ERMN: variants seen among roughly 807,000 people sequenced by gnomAD.
ERMN encodes ermin.
A neutral mutation model predicts 21.4 loss-of-function variants in ERMN; 17 were observed. The observed-to-expected ratio is 0.80, with a 90% CI of 0.54 to 1.19. The LOEUF (loss-of-function observed/expected upper bound fraction) is 1.19, where lower values mean the gene tolerates loss of function less well. ERMN is among the 50% of genes most tolerant of loss of function. The pLI, the probability that ERMN is intolerant of heterozygous loss-of-function variation, is 0.00. For synonymous variants in ERMN, 115 were observed against 111.9 expected (o/e 1.03, Z -0.17); for missense variants, 348 against 331.6 (o/e 1.05, Z -0.38).
At position 157,324,728 on chromosome 2, in the gene ERMN, C is replaced by T. The variant is rs1035746521; in HGVS notation, c.276G>A (p.Lys92=). The part of the protein sequence containing the change: ...NPEEKLFIVH[K]AITDLSLQET... ...CTTGGAGAGAAAGATCTGTGATAGC[C>T]TTATGAACAATAAAGAGTTTCTCTT... The change falls in exon 2 of 3, where the codon AAG becomes AAA. Residue 92 remains lysine, a synonymous_variant. Coordinates refer to ENST00000410096, the MANE Select transcript of ERMN (RefSeq NM_020711.3). 6.2e-7 allele frequency: 1 copy of T among 1,612,938 alleles called. No homozygotes were observed. The highest frequency in any genetic ancestry group is 1.3e-5 in the African/African-American group (1 of 74,934).
rs1683820749 is a variant in ERMN, at chr2:157,319,541, G to A, written c.*1730C>T. On this transcript the variant is annotated 3_prime_UTR_variant, in exon 3 of 3. Transcript: ENST00000410096. ...AATTGTAGGGGTTATCAGTAACCTA[G>A]AAAAGAAAACAGCTTGTCCATGTAG... 1 of 152,082 alleles carries A rather than the reference G, an allele frequency of 6.6e-6. No individual in the cohort carries two copies. Among genetic ancestry groups the A allele is most frequent in the Non-Finnish European group, 1.5e-5 (1 of 67,996 alleles). The allele number at this position is 152,082 out of a possible 1,614,324, so 9.4% of individuals were successfully genotyped here.
chr2:157,319,915 T>A lies in ERMN; in HGVS notation c.*1356A>T, dbSNP rs1343770858. 6.6e-6 allele frequency: 1 copy of A among 152,172 alleles called. No homozygotes were observed. The highest frequency in any genetic ancestry group is 2.4e-5 in the African/African-American group (1 of 41,452). 9.4% of individuals were successfully genotyped at this position (152,172 alleles called of 1,614,324 possible). A position where few individuals can be genotyped will look rare whatever the true frequency, so the allele number is the denominator to read the frequency against. ...TAAATAAGCAGTCATCTAAGAGGACTAACATGGAGTTTTTCACAAAATGAA... is the reference window on the plus strand; with the variant it reads ...TAAATAAGCAGTCATCTAAGAGGACAAACATGGAGTTTTTCACAAAATGAA... On this transcript the variant is annotated 3_prime_UTR_variant, in exon 3 of 3. Transcript: ENST00000410096.
intron 2 of ERMN, among the ~76,000 whole-genome samples, chr2:157,323,668 C>T (rs1317606726): frequency 1.3e-5 from 2 of 152,074 alleles, no homozygotes; most frequent in Non-Finnish European, 2.9e-5. Flanking sequence ...TGTATGGCTG[C>T]AAGAGAGGAA....
chr2:157,323,759 G>T (rs938545051), intron 2 of ERMN, among the ~76,000 whole-genome samples: 2 of 152,052 alleles, frequency 1.3e-5, no homozygotes, highest in East Asian at 3.9e-4. Flanking sequence ...AAATCTAAAG[G>T]ATTTTGTGTC....
At chr2:157,322,233 TAC>T (rs60818980) in intron 2 of ERMN, among the ~76,000 whole-genome samples, 13,457 of 145,490 alleles carry the variant, frequency 0.092, 1,552 homozygotes, top group African/African-American at 0.29. Flanking sequence ...TTCTCACACA[TAC>T]ACACACACAC....
rs377472513 is a variant in ERMN, at chr2:157,325,573, G to C, written c.70C>G (p.Gln24Glu). 9 of 1,614,126 alleles carry C rather than the reference G, an allele frequency of 5.6e-6. No individual in the cohort carries two copies. In the Admixed American group the frequency reaches 8.3e-5, roughly 15 times the overall value. Reference protein sequence around the residue: ...NGDKPPENGQQTITKISEELT... With the variant: ...NGDKPPENGQETITKISEELT... ...TCCTCACTGATTTTAGTGATTGTTT[G>C]TTGACCGTTTTCAGGTGGTTTATCC... The change falls in exon 1 of 3, where the codon CAA (glutamine) becomes GAA (glutamate). Residue 24 changes from glutamine to glutamate, a missense_variant. Transcript: ENST00000410096.
chr2:157,324,767 G>A lies in ERMN; in HGVS notation c.242-5C>T. ...AGAGTTTCTCTTCTGGGTTTTCTAG[G>A]AAAAAAATATAAAATCAGTATTTTA... On this transcript the variant is annotated splice_region_variant and splice_polypyrimidine_tract_variant and intron_variant, in intron 1 of 2. Coordinates refer to ENST00000410096, the MANE Select transcript of ERMN (RefSeq NM_020711.3). 6 of 1,583,706 alleles carry A rather than the reference G, an allele frequency of 3.8e-6. No individual in the cohort carries two copies. The highest frequency in any genetic ancestry group is 5.2e-6 in the Non-Finnish European group (6 of 1,162,162).
chr2:157,325,287 A>G, intron 1 of ERMN, 115 bp downstream of exon 1: 2 of 1,372,652 alleles, frequency 1.5e-6, no homozygotes, highest in Non-Finnish European at 2.1e-6. Context: ...GCGTAGTAGA[A>G]TAAAGGGCTA....
Position 157,324,940 on chromosome 2 carries a change from C to T in ERMN, c.242-178G>A, listed in dbSNP as rs144794159. 4.3e-3 allele frequency among the ~76,000 whole-genome samples: 651 copies of T among 151,724 alleles called. 5 individuals carry two copies. The highest frequency in any genetic ancestry group is 0.015 in the African/African-American group (629 of 41,408). On this transcript the variant is annotated intron_variant, in intron 1 of 2. Coordinates refer to ENST00000410096, the MANE Select transcript of ERMN (RefSeq NM_020711.3). ...CAATTCAATTTATTTACTTAATGAT[C>T]ACTTTATTGATTGTAATCTCTCCTT...
chr2:157,324,065 C>G, intron 2 of ERMN: 1 of 164,696 alleles, frequency 6.1e-6, no homozygotes, highest in Non-Finnish European at 1.3e-5. Context: ...GCCTGGCCAA[C>G]ATGGTGAAAC....
rs185568007 is a variant in ERMN at position 157,319,240 on chromosome 2, A to G, written c.*2031T>C. 8.6e-4 allele frequency: 131 copies of G among 152,230 alleles called. No individual in the cohort carries two copies. The highest frequency in any genetic ancestry group is 3.0e-3 in the African/African-American group (125 of 41,560). 9.4% of individuals were successfully genotyped at this position (152,230 alleles called of 1,614,324 possible). A position where few individuals can be genotyped will look rare whatever the true frequency, so the allele number is the denominator to read the frequency against. ...CATGAAGCATTTACCAACTAAACAT[A>G]CCCTAAAATAGTTTCTGTTGACTAA... On this transcript the variant is annotated 3_prime_UTR_variant, in exon 3 of 3. Transcript: ENST00000410096.
At chr2:157,322,712 A>G (rs1683944250) in intron 2 of ERMN, among the ~76,000 whole-genome samples, 1 of 152,208 alleles carries the variant, frequency 6.6e-6, no homozygotes, top group South Asian at 2.1e-4. Context: ...TTCTCACTCT[A>G]GGGAATACAT....
intron 2 of ERMN, among the ~76,000 whole-genome samples, chr2:157,322,131 T>G (rs1683925664): frequency 6.6e-6 from 1 of 151,556 alleles, no homozygotes; most frequent in Non-Finnish European, 1.5e-5. Flanking sequence ...AGACTGGTGT[T>G]CCCTGAGACA....
At chr2:157,326,100 A>G (rs781090811), upstream of ERMN, among the ~76,000 whole-genome samples, 18 of 152,250 alleles carry the variant, frequency 1.2e-4, no homozygotes, top group Non-Finnish European at 2.4e-4. Flanking sequence ...ATTGTCCCAC[A>G]GCTTTAATCC....
rs1683812086 is a variant in ERMN at position 157,319,342 on chromosome 2, T to G, written c.*1929A>C. 6.6e-6 allele frequency: 1 copy of G among 152,254 alleles called. No individual in the cohort carries two copies. Among genetic ancestry groups the G allele is most frequent in the African/African-American group, 2.4e-5 (1 of 41,550 alleles). 9.4% of individuals were successfully genotyped at this position (152,254 alleles called of 1,614,324 possible). Reference sequence around the variant, plus strand: ...AGCGTTAGCATATATTAGAGTCCCTTAAGAGGTACTTGCTTTGCCGTGCCA... The same window carrying G: ...AGCGTTAGCATATATTAGAGTCCCTGAAGAGGTACTTGCTTTGCCGTGCCA... On this transcript the variant is annotated 3_prime_UTR_variant, in exon 3 of 3. Transcript: ENST00000410096.
At position 157,325,359 on chromosome 2, in the gene ERMN, A is replaced by T. The variant is rs189100146; in HGVS notation, c.241+43T>A. ...TATCAAAAAAATCCAGGGTAAATTT[A>T]TAAGTCAAAACAAGAAAATTAAGGA... is the stretch of plus-strand genomic sequence containing the variant. On this transcript the variant is annotated intron_variant, in intron 1 of 2. Coordinates refer to ENST00000410096, the MANE Select transcript of ERMN (RefSeq NM_020711.3). 1.6e-5 allele frequency: 26 copies of T among 1,610,048 alleles called. No homozygotes were observed. The African/African-American group carries it at 3.3e-4, about 21-fold the overall frequency.
At position 157,325,418 on chromosome 2, in the gene ERMN, C is replaced by T; in HGVS notation, c.225G>A (p.Glu75=). 6.2e-7 allele frequency: 1 copy of T among 1,613,942 alleles called. No individual in the cohort carries two copies. The highest frequency in any genetic ancestry group is 8.5e-7 in the Non-Finnish European group (1 of 1,179,956). Residue 75 remains glutamate, a synonymous_variant, in exon 1 of 3, where the codon GAG becomes GAA. Coordinates refer to ENST00000410096, the MANE Select transcript of ERMN (RefSeq NM_020711.3). ...QGNMLLNSSM[E]DKMLKENPEE... is the part of the protein sequence containing the mutation. ...ACACTTTACCTTTTAGCATTTTGTC[C>T]TCCATGGATGAGTTGAGCAGCATGT... is the stretch of plus-strand genomic sequence containing the variant.
intron 2 of ERMN, 150 bp from the exon 3 acceptor site, chr2:157,321,941 C>T: frequency 1.5e-6 from 1 of 689,120 alleles, no homozygotes; most frequent in Non-Finnish European, 2.3e-6. Flanking sequence ...ATATGTTTTG[C>T]ACAAACAGGC....
chr2:157,319,734 T>A lies in ERMN; in HGVS notation c.*1537A>T, dbSNP rs1683827637. 1 of 152,178 alleles carries A rather than the reference T, an allele frequency of 6.6e-6. No homozygotes were observed. The highest frequency in any genetic ancestry group is 1.5e-5 in the Non-Finnish European group (1 of 68,024). 9.4% of individuals were successfully genotyped at this position (152,178 alleles called of 1,614,324 possible). On this transcript the variant is annotated 3_prime_UTR_variant, in exon 3 of 3. Coordinates refer to ENST00000410096, the MANE Select transcript of ERMN (RefSeq NM_020711.3). The stretch of plus-strand genomic sequence containing the variant: ...TGAGGGTAACAGAACTTTTATGTTA[T>A]CTGTTTGAAAGAATGAAAGGAGCAC...
Sources: allele counts gnomAD v4.1 joint callset (sites outside exome capture counted in the v4.1 genomes callset), GRCh38; gene constraint gnomAD v4.1.1; transcripts MANE v1.5; gene names NCBI Gene and HGNC (gene_info 2026-07-23, HGNC 2026-07-21).